Variants in LIMA1 observed in about 807,000 individuals in gnomAD.
LIMA1 encodes the protein LIM domain and actin binding 1.
LIMA1 carries 52 observed loss-of-function variants against 62.6 expected under a neutral mutation model. The ratio of observed to expected loss-of-function variants is 0.83; its 90% CI spans 0.67 to 1.05. The LOEUF (loss-of-function observed/expected upper bound fraction) is 1.05. Among genes scored for constraint, LIMA1 ranks in the 50% least tolerant of loss-of-function variants. The pLI, the probability that LIMA1 is intolerant of heterozygous loss-of-function variation, is 0.00. For missense variants in LIMA1, 780 were observed against 902.2 expected (o/e 0.86, Z 1.74); for synonymous variants, 302 against 317.8 (o/e 0.95, Z 0.53).
intron 4 of LIMA1, among the ~76,000 whole-genome samples, chr12:50,216,100 T>C (rs967176528): frequency 1.3e-5 from 2 of 151,934 alleles, no homozygotes; most frequent in African/African-American, 2.4e-5. Context: ...GTTGGTCAGT[T>C]ATCTTTTTCA....
At chr12:50,277,369 C>T (rs1427062563) in intron 1 of LIMA1, among the ~76,000 whole-genome samples, 1 of 152,070 alleles carries the variant, frequency 6.6e-6, no homozygotes, top group Non-Finnish European at 1.5e-5. Context: ...TTTACTGCAT[C>T]CAGTCTTTCC....
chr12:50,241,933 A>ATTTTTTTTT lies in LIMA1; in HGVS notation c.119+6691_119+6699dup, dbSNP rs577308413. Among the ~76,000 whole-genome samples, 66 of 36,434 alleles carry ATTTTTTTTT rather than the reference A, an allele frequency of 1.8e-3. 14 individuals are homozygous for ATTTTTTTTT. The highest frequency in any genetic ancestry group is 3.6e-3 in the Admixed American group (7 of 1,944). The allele number at this position is 36,434 out of a possible 152,430, so 23.9% of individuals were successfully genotyped here. ...AATTTTGTTCCTCTTTCCTTCCCAGATTTTTTTTTTTTTTTTTTTTTTTTT... is the reference window on the plus strand; with the variant it reads ...AATTTTGTTCCTCTTTCCTTCCCAGATTTTTTTTTTTTTTTTTTTTTTTTTTTTTTTTTT... On this transcript the variant is annotated intron_variant, in intron 2 of 10. Transcript: ENST00000341247.
At chr12:50,182,367 G>T (rs556245971) in intron 9 of LIMA1, among the ~76,000 whole-genome samples, 155 of 152,152 alleles carry the variant, frequency 1.0e-3, no homozygotes, top group African/African-American at 3.5e-3. Flanking sequence ...TCGGGGGGGG[G>T]AGTGCAGGGA....
chr12:50,235,419 C>T (rs1020428583), intron 2 of LIMA1, among the ~76,000 whole-genome samples: 4 of 151,836 alleles, frequency 2.6e-5, no homozygotes, highest in Non-Finnish European at 4.4e-5. Context: ...GTGTGCACCG[C>T]TATGCCCGGC....
At chr12:50,201,354 A>G in intron 6 of LIMA1, 3 of 984,558 alleles carry the variant, frequency 3.0e-6, no homozygotes, top group Non-Finnish European at 3.6e-6. Context: ...TGATGTATAC[A>G]TATAAAAACT....
At chr12:50,225,288 G>A (rs1941509988) in intron 3 of LIMA1, among the ~76,000 whole-genome samples, 1 of 151,610 alleles carries the variant, frequency 6.6e-6, no homozygotes, top group Non-Finnish European at 1.5e-5. Flanking sequence ...CTTATTGGGG[G>A]AAAAACTCTC....
At chr12:50,234,340 C>T (rs1941657592) in intron 2 of LIMA1, 9 of 300,702 alleles carry the variant, frequency 3.0e-5, no homozygotes, top group South Asian at 2.3e-4. Flanking sequence ...TCCCAAGTAG[C>T]TGGGATTACA....
At chr12:50,269,971 A>G (rs1317498439) in intron 1 of LIMA1, among the ~76,000 whole-genome samples, 7 of 150,070 alleles carry the variant, frequency 4.7e-5, no homozygotes, top group African/African-American at 1.7e-4. Flanking sequence ...ACGGTGGCTT[A>G]TGACTGTAAT....
intron 9 of LIMA1, chr12:50,189,453 A>G (rs1172698908): frequency 6.6e-6 from 1 of 152,172 alleles, no homozygotes; most frequent in Non-Finnish European, 1.5e-5. Context: ...CATTCTATTT[A>G]TTGAGTTTCT....
rs1418886191 is a variant in LIMA1, at chr12:50,205,982, A to C, written c.715+2T>G. 1 of 1,609,322 alleles carries C rather than the reference A, an allele frequency of 6.2e-7. No individual in the cohort carries two copies. The highest frequency in any genetic ancestry group is 8.5e-7 in the Non-Finnish European group (1 of 1,176,510). On this transcript the variant is annotated splice_donor_variant, in intron 5 of 10. Transcript: ENST00000341247. LOFTEE classifies it high-confidence loss of function. ...CTCATACACATGGAACTCTCTGCTT[A>C]CCTGGGCCTATTTCCAGGTCATCTA...
intron 2 of LIMA1, among the ~76,000 whole-genome samples, chr12:50,246,819 C>G (rs1442150778): frequency 6.6e-6 from 1 of 152,198 alleles, no homozygotes; most frequent in East Asian, 1.9e-4. Context: ...TCGACTCATT[C>G]CACTTCAAGC....
chr12:50,192,040 C>G, intron 9 of LIMA1, among the ~76,000 whole-genome samples: 1 of 148,222 alleles, frequency 6.7e-6, no homozygotes, highest in South Asian at 2.1e-4. Context: ...GAGGCTGAGA[C>G]AGGAGAATTG....
chr12:50,246,231 C>CA (rs923214910), intron 2 of LIMA1, among the ~76,000 whole-genome samples: 1,905 of 50,910 alleles, frequency 0.037, 31 homozygotes, highest in African/African-American at 0.085. Context: ...GACTCCATCT[C>CA]AAAAAAAAAA....
chr12:50,190,725 A>T, intron 9 of LIMA1, among the ~76,000 whole-genome samples: 1 of 113,352 alleles, frequency 8.8e-6, no homozygotes, highest in Admixed American at 9.3e-5. Context: ...TTTTCAGAAA[A>T]TGGGCTGGCC....
At chr12:50,183,026 A>G (rs1940539861) in intron 9 of LIMA1, among the ~76,000 whole-genome samples, 1 of 152,072 alleles carries the variant, frequency 6.6e-6, no homozygotes, top group South Asian at 2.1e-4. Flanking sequence ...ACATGGTGAA[A>G]CCCCGTCTCC....
At chr12:50,193,555 C>G (rs1940839128) in intron 8 of LIMA1, among the ~76,000 whole-genome samples, 1 of 108,352 alleles carries the variant, frequency 9.2e-6, no homozygotes, top group African/African-American at 4.1e-5. Context: ...ACATATATAT[C>G]ATATATGTAT....
intron 4 of LIMA1, among the ~76,000 whole-genome samples, chr12:50,211,421 T>C (rs936078297): frequency 3.0e-5 from 4 of 134,832 alleles, no homozygotes; most frequent in African/African-American, 8.5e-5. Context: ...GGCAGGAGGG[T>C]TGCTTGAGGC....
intron 2 of LIMA1, among the ~76,000 whole-genome samples, chr12:50,236,113 C>T (rs1941689480): frequency 6.6e-6 from 1 of 151,352 alleles, no homozygotes; most frequent in African/African-American, 2.4e-5. Context: ...TGCAGTGAGC[C>T]GAGATTGCAC....
intron 4 of LIMA1, among the ~76,000 whole-genome samples, chr12:50,208,510 C>T (rs1941195164): frequency 6.6e-6 from 1 of 151,668 alleles, no homozygotes; most frequent in Non-Finnish European, 1.5e-5. Flanking sequence ...GTTAGCTGGG[C>T]ATTATGGCAT....
Sources: allele counts gnomAD v4.1 joint callset (sites outside exome capture counted in the v4.1 genomes callset), GRCh38; gene constraint gnomAD v4.1.1; transcripts MANE v1.5; gene names NCBI Gene and HGNC (gene_info 2026-07-23, HGNC 2026-07-21).